The following GK variants were observed in gnomAD, a reference collection of about 807,000 sequenced individuals.
GK encodes the protein ATP:glycerol 3-phosphotransferase.
Under a neutral mutation model 56.4 loss-of-function variants are expected in GK, and 9 were observed. The ratio of observed to expected loss-of-function variants is 0.16; its 90% CI spans 0.10 to 0.28. The LOEUF (loss-of-function observed/expected upper bound fraction) is 0.28. GK is among the 10% of genes least tolerant of loss of function. The pLI is 1.00. For missense variants in GK, 161 were observed against 431.4 expected, an observed-to-expected ratio of 0.37 and a Z score of 5.55; for synonymous variants, 104 against 144.1, an observed-to-expected ratio of 0.72 and a Z score of 1.99.
At chrX:30,704,257 G>A (rs780813702) in intron 11 of GK, among the ~76,000 whole-genome samples, 1 of 104,633 alleles carries the variant, frequency 9.6e-6, no homozygotes, top group African/African-American at 3.6e-5. Flanking sequence ...TCAGCCTCCT[G>A]AGTAGCTGAT....
chrX:30,719,854 G>A (rs1936815820), intron 15 of GK, among the ~76,000 whole-genome samples, 157 bp from the exon 16 acceptor site: 1 of 112,073 alleles, frequency 8.9e-6, no homozygotes, highest in Non-Finnish European at 1.9e-5. Flanking sequence ...ATGCAGAATT[G>A]TGAAATATAA....
Position 30,731,004 on chromosome X carries a change from T to C in GK, c.*2262T>C, listed in dbSNP as rs1188228692. On this transcript the variant is annotated 3_prime_UTR_variant, in exon 21 of 21. Coordinates refer to ENST00000427190, the MANE Select transcript of GK (RefSeq NM_001205019.2). ...CAGCCATTATCAACAGGGCCTTGCA[T>C]GGCTAACTTTGACCACCATTTTTCT... 8.9e-6 allele frequency: 1 copy of C among 112,141 alleles called. No individual in the cohort carries two copies. Among genetic ancestry groups the C allele is most frequent in the African/African-American group, 3.2e-5 (1 of 30,874 alleles). The allele number at this position is 112,141 out of a possible 1,213,427, so 9.2% of individuals were successfully genotyped here.
intron 1 of GK, among the ~76,000 whole-genome samples, chrX:30,665,111 C>G (rs1363742587): frequency 8.9e-6 from 1 of 111,772 alleles, no homozygotes; most frequent in Non-Finnish European, 1.9e-5. Context: ...TTTCTGTTTC[C>G]ACGTCCAAGA....
intron 2 of GK, among the ~76,000 whole-genome samples, chrX:30,667,402 C>A (rs112547298): frequency 9.0e-6 from 1 of 110,989 alleles, no homozygotes; most frequent in African/African-American, 3.3e-5. Flanking sequence ...TTTCATCCTT[C>A]TGAGGCCCTG....
intron 3 of GK, among the ~76,000 whole-genome samples, chrX:30,675,053 TA>T (rs2147159439): frequency 9.0e-6 from 1 of 111,608 alleles, no homozygotes; most frequent in South Asian, 3.7e-4. Context: ...TTGGATTGTT[TA>T]GGCTACACAG....
At position 30,704,593 on chromosome X, in the gene GK, G is replaced by T. The variant is rs1223473099; in HGVS notation, c.852-2963G>T. On this transcript the variant is annotated intron_variant, in intron 11 of 20. Coordinates refer to ENST00000427190, the MANE Select transcript of GK (RefSeq NM_001205019.2). The stretch of plus-strand genomic sequence containing the variant: ...GTTTGGTGACTTTTTTTTTTTTTGA[G>T]ATGGAGTCTCGCTCTGTCACCAGGC... Among the ~76,000 whole-genome samples the T allele has an allele frequency of 2.8e-5, 3 of 105,625 alleles. No individual in the cohort carries two copies. In the East Asian group the frequency reaches 8.9e-4, roughly 31 times the overall value. 91.7% of individuals were successfully genotyped at this position (105,625 alleles called of 115,157 possible).
At chrX:30,682,808 C>G (rs1333536920) in intron 4 of GK, among the ~76,000 whole-genome samples, 3 of 111,871 alleles carry the variant, frequency 2.7e-5, no homozygotes, top group African/African-American at 9.7e-5. Flanking sequence ...TTTCTGGAAG[C>G]TAGAAGTTCA....
intron 18 of GK, among the ~76,000 whole-genome samples, chrX:30,721,427 G>GACA (rs1465296428): frequency 2.8e-5 from 3 of 107,258 alleles, no homozygotes; most frequent in African/African-American, 1.0e-4. Flanking sequence ...GAGTAGCTGG[G>GACA]ACAACAGGTG....
intron 1 of GK, among the ~76,000 whole-genome samples, chrX:30,660,784 G>A (rs1932689918): frequency 9.5e-6 from 1 of 104,845 alleles, no homozygotes; most frequent in Non-Finnish European, 1.9e-5. Flanking sequence ...ACAAAAGTCT[G>A]AGAACAGATT....
intron 5 of GK, among the ~76,000 whole-genome samples, chrX:30,693,540 ATTTATTT>A (rs1257511027): frequency 9.1e-6 from 1 of 109,395 alleles, no homozygotes. Flanking sequence ...GTGTTGCTTT[ATTTATTT>A]TTTATTTTTT....
chrX:30,660,979 A>AT (rs765626796), intron 1 of GK, among the ~76,000 whole-genome samples: 1 of 108,478 alleles, frequency 9.2e-6, no homozygotes, highest in Admixed American at 9.9e-5. Context: ...TGCCTGGCAA[A>AT]TTTTTTGTGT....
Position 30,691,800 on chromosome X carries a change from A to G in GK, c.414+601A>G, listed in dbSNP as rs183276256. Among the ~76,000 whole-genome samples, 416 of 110,429 alleles carry G rather than the reference A, an allele frequency of 3.8e-3. 2 individuals are homozygous for G. The highest frequency in any genetic ancestry group is 5.8e-3 in the Non-Finnish European group (307 of 52,839). On this transcript the variant is annotated intron_variant, in intron 5 of 20. Transcript: ENST00000427190. Reference sequence around the variant, plus strand: ...TTCCAAATCTATCCCTATTTTTTCTACTGCCCATCAAAGAATGTTCTGGCT... The same window carrying G: ...TTCCAAATCTATCCCTATTTTTTCTGCTGCCCATCAAAGAATGTTCTGGCT...
intron 4 of GK, among the ~76,000 whole-genome samples, chrX:30,686,161 C>T (rs935005240): frequency 8.9e-6 from 1 of 112,727 alleles, no homozygotes; most frequent in Non-Finnish European, 1.9e-5. Context: ...GTAAATCAAT[C>T]TTTCCTTCCC....
chrX:30,666,838 G>T (rs1315887669), intron 2 of GK, among the ~76,000 whole-genome samples: 1 of 111,966 alleles, frequency 8.9e-6, no homozygotes, highest in Non-Finnish European at 1.9e-5. Context: ...TAAATACACA[G>T]AAGGAGACTG....
At chrX:30,714,123 T>C (rs1408871918) in intron 13 of GK, among the ~76,000 whole-genome samples, 3 of 112,338 alleles carry the variant, frequency 2.7e-5, no homozygotes, top group Non-Finnish European at 5.6e-5. Context: ...TTCTTTGTTA[T>C]GGTTTAACGA....
chrX:30,690,008 C>G (rs1192297400), intron 4 of GK, among the ~76,000 whole-genome samples: 1 of 111,786 alleles, frequency 8.9e-6, no homozygotes, highest in East Asian at 2.8e-4. Context: ...AAAGTAGCCA[C>G]TGTCAAAATG....
chrX:30,698,636 G>C lies in GK; in HGVS notation c.747+887G>C, dbSNP rs368557406. ...GGAGAATGGCGTGAACCTGGGAGGC[G>C]GAGCTTGCAGTGAGCCGAGATCGCG... is the stretch of plus-strand genomic sequence containing the variant. On this transcript the variant is annotated intron_variant, in intron 9 of 20. Transcript: ENST00000427190. 1.6e-4 allele frequency among the ~76,000 whole-genome samples: 17 copies of C among 107,789 alleles called. No homozygotes were observed. In the East Asian group the frequency reaches 3.2e-3, roughly 20 times the overall value. 93.6% of individuals were successfully genotyped at this position (107,789 alleles called of 115,157 possible).
intron 1 of GK, among the ~76,000 whole-genome samples, chrX:30,654,920 G>T (rs915306519): frequency 9.0e-6 from 1 of 111,349 alleles, no homozygotes; most frequent in Non-Finnish European, 1.9e-5. Flanking sequence ...GTATATATCT[G>T]TACATATATA....
rs1331939012 is a variant in GK, at chrX:30,719,596, T to G, written c.1151+81T>G. ...GTTAATAACTTATTAGTTTCTTATC[T>G]ATTTTCAAATAATTATAATGTGTTG... On this transcript the variant is annotated intron_variant, in intron 15 of 20. Coordinates refer to ENST00000427190, the MANE Select transcript of GK (RefSeq NM_001205019.2). 18 of 554,575 alleles carry G rather than the reference T, an allele frequency of 3.2e-5. No homozygotes were observed. The East Asian group carries it at 5.6e-4, about 17-fold the overall frequency. The allele number at this position is 554,575 out of a possible 1,213,427, so 45.7% of individuals were successfully genotyped here.
Sources: allele counts gnomAD v4.1 joint callset (sites outside exome capture counted in the v4.1 genomes callset), GRCh38; gene constraint gnomAD v4.1.1; transcripts MANE v1.5; gene names NCBI Gene and HGNC (gene_info 2026-07-23, HGNC 2026-07-21).